CLNK: variants seen among roughly 807,000 people sequenced by gnomAD.
CLNK encodes cytokine dependent hematopoietic cell linker, also known as cytokine-dependent hematopoietic cell linker.
A neutral mutation model predicts 68.6 loss-of-function variants in CLNK; 74 were observed. The observed-to-expected ratio is 1.08, with a 90% CI of 0.89 to 1.31. CLNK has a LOEUF of 1.31. CLNK is among the 50% of genes most tolerant of loss of function. CLNK has a pLI of 0.00. For synonymous variants in CLNK, 198 were observed against 172.2 expected (o/e 1.15, Z -1.17); for missense variants, 553 against 515.3 (o/e 1.07, Z -0.71).
At chr4:10,503,226 C>T (rs1021213400) in intron 17 of CLNK, among the ~76,000 whole-genome samples, 2 of 151,942 alleles carry the variant, frequency 1.3e-5, no homozygotes, top group Non-Finnish European at 2.9e-5. Flanking sequence ...CTTGGGAGGC[C>T]GACGCGGGTG....
At chr4:10,626,612 C>T (rs1057155803) in intron 2 of CLNK, among the ~76,000 whole-genome samples, 9 of 151,986 alleles carry the variant, frequency 5.9e-5, no homozygotes, top group South Asian at 2.1e-4. Flanking sequence ...ATAATACAAA[C>T]GATATATTCT....
chr4:10,501,376 T>C lies in CLNK; in HGVS notation c.1020A>G (p.Lys340=), dbSNP rs1261449867. The C allele has an allele frequency of 1.9e-6, 3 of 1,609,786 alleles. No individual in the cohort carries two copies. The Admixed American group carries it at 5.1e-5, about 27-fold the overall frequency. Residue 340 remains lysine, a synonymous_variant, in exon 18 of 19, where the codon AAA becomes AAG. Coordinates refer to ENST00000226951, the MANE Select transcript of CLNK (RefSeq NM_052964.4). ...CCAAAACATAGGGCTCTTCCTTGGATTTTGTGGAACAATCTCGGACCAAGA... is the reference window on the plus strand; with the variant it reads ...CCAAAACATAGGGCTCTTCCTTGGACTTTGTGGAACAATCTCGGACCAAGA... ...GSFLVRDCST[K]SKEEPYVLAV... is the part of the protein sequence containing the mutation.
intron 15 of CLNK, among the ~76,000 whole-genome samples, chr4:10,519,959 A>C (rs960688615): frequency 3.9e-5 from 6 of 152,178 alleles, no homozygotes; most frequent in African/African-American, 1.4e-4. Flanking sequence ...AAAGAGAGAG[A>C]TAGAATTAGG....
intron 1 of CLNK, among the ~76,000 whole-genome samples, chr4:10,683,067 A>G (rs569276175): frequency 6.6e-6 from 1 of 152,284 alleles, no homozygotes; most frequent in East Asian, 1.9e-4. Context: ...CGTAATATAA[A>G]TATTATATTA....
the CLNK span, among the ~76,000 whole-genome samples, chr4:10,712,223 T>C: frequency 3.3e-5 from 5 of 152,244 alleles, no homozygotes; most frequent in East Asian, 7.7e-4. Flanking sequence ...ACCTCAAGCC[T>C]GGTGATTTGT....
Position 10,542,122 on chromosome 4 carries a change from A to G in CLNK, c.472-81T>C. 5.3e-6 allele frequency: 7 copies of G among 1,320,514 alleles called. No individual in the cohort carries two copies. In the South Asian group the frequency reaches 7.8e-5, roughly 15 times the overall value. The allele number at this position is 1,320,514 out of a possible 1,614,324, so 81.8% of individuals were successfully genotyped here. On this transcript the variant is annotated intron_variant, in intron 9 of 18. Transcript: ENST00000226951. ...TGGCTAACAGTTTTTTGGTTTACAA[A>G]TAGAAATTACAAATTGTGATCAGAC...
At chr4:10,628,461 T>C (rs1204400766) in intron 2 of CLNK, among the ~76,000 whole-genome samples, 1 of 152,212 alleles carries the variant, frequency 6.6e-6, no homozygotes, top group African/African-American at 2.4e-5. Context: ...TGTATTGATG[T>C]TAACTTTGTC....
intron 11 of CLNK, among the ~76,000 whole-genome samples, chr4:10,532,751 T>C (rs1718598877): frequency 6.6e-6 from 1 of 152,148 alleles, no homozygotes; most frequent in African/African-American, 2.4e-5. Flanking sequence ...AACGAAGATC[T>C]GAGACAGGAG....
At chr4:10,495,170 G>A (rs1716755088) in intron 18 of CLNK, among the ~76,000 whole-genome samples, 1 of 152,146 alleles carries the variant, frequency 6.6e-6, no homozygotes, top group African/African-American at 2.4e-5. Flanking sequence ...AATATCTACG[G>A]TGGTTTTTAG....
intron 2 of CLNK, among the ~76,000 whole-genome samples, chr4:10,606,055 T>C (rs1462743834): frequency 6.6e-6 from 1 of 152,094 alleles, no homozygotes; most frequent in Non-Finnish European, 1.5e-5. Flanking sequence ...CTTAGCTTAC[T>C]GTAATTTTTT....
intron 3 of CLNK, among the ~76,000 whole-genome samples, chr4:10,591,329 T>G (rs1398253819): frequency 6.6e-6 from 1 of 152,100 alleles, no homozygotes; most frequent in Non-Finnish European, 1.5e-5. Context: ...TGCCCTCTTC[T>G]CCTTATTTGG....
intron 2 of CLNK, among the ~76,000 whole-genome samples, chr4:10,664,027 T>C (rs73216718): frequency 0.11 from 16,835 of 152,246 alleles, 1,068 homozygotes; most frequent in East Asian, 0.23. Context: ...AATAAATTTC[T>C]GTTGTTCCTG....
chr4:10,594,697 C>A (rs1457611793), intron 3 of CLNK, among the ~76,000 whole-genome samples: 1 of 152,150 alleles, frequency 6.6e-6, no homozygotes, highest in Non-Finnish European at 1.5e-5. Context: ...ATTAGTGACT[C>A]ATCAGAGTAG....
At chr4:10,678,383 C>A (rs543580851) in intron 1 of CLNK, among the ~76,000 whole-genome samples, 10 of 152,258 alleles carry the variant, frequency 6.6e-5, no homozygotes, top group East Asian at 5.8e-4. Flanking sequence ...TGAGTAATTT[C>A]TTTGCATCAG....
intron 2 of CLNK, among the ~76,000 whole-genome samples, chr4:10,601,039 C>T (rs11936513): frequency 0.024 from 3,590 of 152,274 alleles, 140 homozygotes; most frequent in African/African-American, 0.074. Flanking sequence ...GAGAGCTGGA[C>T]TCAAACTCTC....
intron 2 of CLNK, among the ~76,000 whole-genome samples, chr4:10,612,113 A>G (rs543823288): frequency 6.6e-6 from 1 of 152,322 alleles, no homozygotes; most frequent in Admixed American, 6.5e-5. Context: ...CCCATCTCTC[A>G]TTTGATCCTC....
At chr4:10,493,650 C>A (rs1265263057) in intron 18 of CLNK, among the ~76,000 whole-genome samples, 1 of 152,166 alleles carries the variant, frequency 6.6e-6, no homozygotes, top group Non-Finnish European at 1.5e-5. Context: ...TACACCACCA[C>A]CCATATTACG....
At position 10,589,639 on chromosome 4, in the gene CLNK, C is replaced by A. The variant is rs186379517; in HGVS notation, c.84-4684G>T. On this transcript the variant is annotated intron_variant, in intron 3 of 18. Transcript: ENST00000226951. Reference sequence around the variant, plus strand: ...GGAAAAGAGGAAGGCTGGGACCAGCCGCCTAGGGTCTGGGAGGGAGGGGAT... The same window carrying A: ...GGAAAAGAGGAAGGCTGGGACCAGCAGCCTAGGGTCTGGGAGGGAGGGGAT... Among the ~76,000 whole-genome samples, 25 of 145,774 alleles carry A rather than the reference C, an allele frequency of 1.7e-4. No homozygotes were observed. The East Asian group carries it at 4.8e-3, about 28-fold the overall frequency.
chr4:10,731,327 C>A, the CLNK span, among the ~76,000 whole-genome samples: 1 of 152,218 alleles, frequency 6.6e-6, no homozygotes, highest in Non-Finnish European at 1.5e-5. Flanking sequence ...CAGTCTCTCG[C>A]AATGCAACCA....
Sources: allele counts gnomAD v4.1 joint callset (sites outside exome capture counted in the v4.1 genomes callset), GRCh38; gene constraint gnomAD v4.1.1; transcripts MANE v1.5; gene names NCBI Gene and HGNC (gene_info 2026-07-23, HGNC 2026-07-21).